Variants in PLCXD3 observed in about 807,000 individuals in gnomAD.
The protein encoded by PLCXD3 is phosphatidylinositol specific phospholipase C X domain containing 3, also known as PI-PLC X domain-containing protein 3.
Under a neutral mutation model 25.5 loss-of-function variants are expected in PLCXD3, and 19 were observed. The observed-to-expected ratio is 0.75, with a 90% CI of 0.52 to 1.09. The LOEUF is 1.09. PLCXD3 is among the 50% of genes least tolerant of loss of function. The probability of loss-of-function intolerance (pLI) is 0.00; values close to 1 mark genes in which losing one functional copy is unlikely to be tolerated. For missense variants in PLCXD3, 411 were observed against 388.1 expected (o/e 1.06, Z -0.50); for synonymous variants, 174 against 137.6 (o/e 1.26, Z -1.85).
rs58352101 is a variant in PLCXD3, at chr5:41,316,697, G to A, written c.813-2927C>T. The stretch of plus-strand genomic sequence containing the variant: ...AGACTTAAGAGATCTTGGACCTTAA[G>A]GGAACATCAGTGGTAGTCTGGAAGT... On this transcript the variant is annotated intron_variant, in intron 2 of 2. Transcript: ENST00000377801. Among the ~76,000 whole-genome samples the A allele has an allele frequency of 7.0e-3, 1,066 of 152,270 alleles. 13 individuals carry two copies. Among genetic ancestry groups the A allele is most frequent in the African/African-American group, 0.024 (1,000 of 41,550 alleles).
chr5:41,437,658 A>G (rs1291411143), intron 1 of PLCXD3, among the ~76,000 whole-genome samples: 1 of 152,218 alleles, frequency 6.6e-6, no homozygotes, highest in Non-Finnish European at 1.5e-5. Context: ...GTGCAAGAAT[A>G]AAGACAGGAG....
chr5:41,357,052 G>A (rs888575661), intron 2 of PLCXD3, among the ~76,000 whole-genome samples: 5 of 152,192 alleles, frequency 3.3e-5, no homozygotes, highest in Non-Finnish European at 7.4e-5. Flanking sequence ...AAGCAGACAC[G>A]CTTGACCTAA....
chr5:41,386,561 C>A (rs1233702259), intron 1 of PLCXD3, among the ~76,000 whole-genome samples: 1 of 152,002 alleles, frequency 6.6e-6, no homozygotes, highest in Non-Finnish European at 1.5e-5. Flanking sequence ...AGAAATGAGA[C>A]TTTTAAAAAT....
rs1210280753 is a variant in PLCXD3 at position 41,309,097 on chromosome 5, TTG to T, written c.*4518_*4519del. On this transcript the variant is annotated 3_prime_UTR_variant, in exon 3 of 3. Transcript: ENST00000377801. ...TTTTTCTTTAGGATAAGTTTGATTT[TTG>T]ATAAGATATTATATACTTACACACA... 1 of 152,594 alleles carries T rather than the reference TTG, an allele frequency of 6.6e-6. No homozygotes were observed. Among genetic ancestry groups the T allele is most frequent in the Admixed American group, 6.6e-5 (1 of 15,258 alleles). The allele number at this position is 152,594 out of a possible 1,614,324, so 9.5% of individuals were successfully genotyped here. A position where few individuals can be genotyped will look rare whatever the true frequency, so the allele number is the denominator to read the frequency against.
At chr5:41,474,358 AG>A (rs1748234687) in intron 1 of PLCXD3, among the ~76,000 whole-genome samples, 1 of 152,226 alleles carries the variant, frequency 6.6e-6, no homozygotes, top group South Asian at 2.1e-4. Flanking sequence ...ACTGGGTGGC[AG>A]ACACAGTTTG....
intron 2 of PLCXD3, among the ~76,000 whole-genome samples, chr5:41,360,362 A>G (rs1396913851): frequency 6.6e-6 from 1 of 152,192 alleles, no homozygotes; most frequent in Non-Finnish European, 1.5e-5. Context: ...CTGGCAATTA[A>G]GAGATTTCAT....
intron 1 of PLCXD3, among the ~76,000 whole-genome samples, chr5:41,458,900 C>A (rs77129467): frequency 1.1e-4 from 16 of 151,884 alleles, no homozygotes; most frequent in Non-Finnish European, 2.2e-4. Flanking sequence ...ATGCAATCTA[C>A]GCTACATTTT....
chr5:41,406,199 ACACCTT>A (rs1746345250), intron 1 of PLCXD3, among the ~76,000 whole-genome samples: 1 of 151,972 alleles, frequency 6.6e-6, no homozygotes, highest in Non-Finnish European at 1.5e-5. Context: ...ATGAAGGTTA[ACACCTT>A]CATTTCCCTT....
At chr5:41,506,616 T>C (rs965798655) in intron 1 of PLCXD3, among the ~76,000 whole-genome samples, 1 of 152,192 alleles carries the variant, frequency 6.6e-6, no homozygotes, top group Non-Finnish European at 1.5e-5. Flanking sequence ...AGGAGGAAGA[T>C]GGTTGGCTCC....
chr5:41,394,701 A>T (rs746035752), intron 1 of PLCXD3, among the ~76,000 whole-genome samples: 1 of 152,186 alleles, frequency 6.6e-6, no homozygotes, highest in East Asian at 1.9e-4. Context: ...CAAGACAAAA[A>T]CTAAAAGAAG....
intron 1 of PLCXD3, among the ~76,000 whole-genome samples, chr5:41,411,128 A>G (rs1746508139): frequency 6.6e-6 from 1 of 152,220 alleles, no homozygotes; most frequent in Admixed American, 6.5e-5. Flanking sequence ...AACAAATACA[A>G]AACCTGGCAA....
intron 2 of PLCXD3, among the ~76,000 whole-genome samples, chr5:41,333,588 G>T (rs1320887886): frequency 1.3e-5 from 2 of 152,102 alleles, no homozygotes; most frequent in African/African-American, 4.8e-5. Flanking sequence ...TGTGTAGGAA[G>T]CAGCATATCT....
chr5:41,369,058 A>G (rs1009017668), intron 2 of PLCXD3, among the ~76,000 whole-genome samples: 2 of 152,180 alleles, frequency 1.3e-5, no homozygotes, highest in Non-Finnish European at 2.9e-5. Context: ...GTTGAAGTAT[A>G]TGTATACAGT....
intron 2 of PLCXD3, among the ~76,000 whole-genome samples, chr5:41,374,041 C>T (rs318844): frequency 0.92 from 139,437 of 152,044 alleles, 64,345 homozygotes; most frequent in African/African-American, 0.96. Context: ...GGTAGAGGAG[C>T]TGTAGCTTAG....
At chr5:41,457,024 G>T (rs929226595) in intron 1 of PLCXD3, among the ~76,000 whole-genome samples, 3 of 151,842 alleles carry the variant, frequency 2.0e-5, no homozygotes, top group Non-Finnish European at 4.4e-5. Context: ...GCACTAACAG[G>T]AAAACATACA....
chr5:41,319,145 T>C (rs1743385889), intron 2 of PLCXD3, among the ~76,000 whole-genome samples: 1 of 152,014 alleles, frequency 6.6e-6, no homozygotes, highest in African/African-American at 2.4e-5. Flanking sequence ...AAGAGAGAAA[T>C]AGGCCCTAAA....
intron 2 of PLCXD3, among the ~76,000 whole-genome samples, chr5:41,317,404 C>T (rs1743333440): frequency 6.6e-6 from 1 of 152,106 alleles, no homozygotes; most frequent in Non-Finnish European, 1.5e-5. Context: ...TACAAATAAG[C>T]TCAGACAGCA....
chr5:41,343,166 C>T (rs1363480287), intron 2 of PLCXD3, among the ~76,000 whole-genome samples: 1 of 152,090 alleles, frequency 6.6e-6, no homozygotes, highest in Admixed American at 6.6e-5. Context: ...TCCACCTTTT[C>T]CTGTTCTGGC....
At chr5:41,491,320 C>A (rs1206786330) in intron 1 of PLCXD3, among the ~76,000 whole-genome samples, 1 of 152,136 alleles carries the variant, frequency 6.6e-6, no homozygotes, top group Non-Finnish European at 1.5e-5. Context: ...AATTTCTGAT[C>A]TTTTACATTT....
Sources: gnomAD v4.1 joint callset for allele counts (sites outside exome capture counted in the v4.1 genomes callset) on GRCh38, gnomAD v4.1.1 for gene constraint, MANE v1.5 for transcripts, NCBI Gene and HGNC (gene_info 2026-07-23, HGNC 2026-07-21) for gene names.